Variants in ANK2 observed in about 807,000 individuals in gnomAD.
ANK2 encodes the protein ankyrin 2.
In ANK2, 83 loss-of-function variants were observed where a neutral mutation model predicts 360.5. The ratio of observed to expected loss-of-function variants is 0.23; its 90% CI spans 0.19 to 0.28. The LOEUF is 0.28. ANK2 is among the 10% of genes least tolerant of loss of function. The probability of loss-of-function intolerance (pLI) is 1.00; values close to 1 mark genes in which losing one functional copy is unlikely to be tolerated. For missense variants in ANK2, 4,201 were observed against 4,795.7 expected (o/e 0.88, Z 3.66); for synonymous variants, 1,740 against 1,759.5 (o/e 0.99, Z 0.28).
At chr4:113,234,739 T>C (rs550287006) in intron 5 of ANK2, among the ~76,000 whole-genome samples, 7 of 152,354 alleles carry the variant, frequency 4.6e-5, no homozygotes, top group Admixed American at 3.3e-4. Flanking sequence ...TAAAGTTCAA[T>C]AATTGTGAGA....
chr4:113,280,237 A>G (rs1041176947), intron 17 of ANK2, among the ~76,000 whole-genome samples: 3 of 152,216 alleles, frequency 2.0e-5, no homozygotes, highest in African/African-American at 7.2e-5. Flanking sequence ...TCTTTCCACA[A>G]GGGACTCTCA....
the ANK2 span, among the ~76,000 whole-genome samples, chr4:112,711,011 A>G: frequency 6.6e-6 from 1 of 150,498 alleles, no homozygotes; most frequent in African/African-American, 2.4e-5. Flanking sequence ...GCTGGTCTCA[A>G]ACTCCTCAGC....
intron 2 of ANK2, among the ~76,000 whole-genome samples, chr4:113,032,552 A>G (rs2060640870): frequency 6.6e-6 from 1 of 152,048 alleles, no homozygotes; most frequent in Admixed American, 6.6e-5. Context: ...ACAGAGTCTC[A>G]GGAATGATTA....
chr4:113,314,358 GTAA>G (rs1232692698), intron 24 of ANK2, among the ~76,000 whole-genome samples: 1 of 152,132 alleles, frequency 6.6e-6, no homozygotes, highest in Non-Finnish European at 1.5e-5. Flanking sequence ...TACCAAGATA[GTAA>G]TTATTATACT....
chr4:112,795,702 C>CTCTCT, the ANK2 span, among the ~76,000 whole-genome samples: 12 of 152,108 alleles, frequency 7.9e-5, no homozygotes, highest in Non-Finnish European at 1.3e-4. Flanking sequence ...TGGGGTTTCA[C>CTCTCT]AATGTTGGCC....
intron 22 of ANK2, among the ~76,000 whole-genome samples, chr4:113,294,000 C>T (rs1362948449): frequency 6.6e-6 from 1 of 152,210 alleles, no homozygotes; most frequent in Non-Finnish European, 1.5e-5. Flanking sequence ...GCAATTCATC[C>T]TTACTTTGCA....
At chr4:113,134,153 C>G (rs2096248809) in intron 1 of ANK2, among the ~76,000 whole-genome samples, 2 of 151,902 alleles carry the variant, frequency 1.3e-5, no homozygotes, top group South Asian at 4.2e-4. Context: ...ATGTCATCAA[C>G]AGGAATCTCT....
the ANK2 span, among the ~76,000 whole-genome samples, chr4:112,731,265 C>T: frequency 7.3e-6 from 1 of 136,188 alleles, no homozygotes; most frequent in Non-Finnish European, 1.5e-5. Context: ...CACTGTCTTC[C>T]AGCCTGGGCA....
chr4:113,195,411 T>G (rs1320408024), intron 2 of ANK2, among the ~76,000 whole-genome samples: 1 of 152,164 alleles, frequency 6.6e-6, no homozygotes, highest in African/African-American at 2.4e-5. Context: ...ATCTACATAA[T>G]GTAAATAATT....
intron 45 of ANK2, among the ~76,000 whole-genome samples, chr4:113,381,053 G>GT (rs1189443762): frequency 1.3e-5 from 2 of 152,118 alleles, no homozygotes; most frequent in African/African-American, 2.4e-5. Flanking sequence ...TTAAAAAAAG[G>GT]TTTTTTTAGC....
chr4:113,194,544 C>G (rs898528718), intron 2 of ANK2, among the ~76,000 whole-genome samples: 4 of 152,030 alleles, frequency 2.6e-5, no homozygotes, highest in African/African-American at 9.7e-5. Context: ...AAGTGCTGAA[C>G]AAAAAAGATA....
At chr4:112,736,305 T>C in the ANK2 span, among the ~76,000 whole-genome samples, 1 of 151,676 alleles carries the variant, frequency 6.6e-6, no homozygotes, top group African/African-American at 2.4e-5. Flanking sequence ...TCTACTAATA[T>C]ACAAAAAATT....
chr4:112,786,679 C>A, the ANK2 span, among the ~76,000 whole-genome samples: 10 of 151,656 alleles, frequency 6.6e-5, no homozygotes, highest in African/African-American at 2.4e-4. Flanking sequence ...TGTGAGCCAC[C>A]ATGCCCAGAC....
At chr4:113,145,958 C>T in intron 1 of ANK2, 2 of 1,289,798 alleles carry the variant, frequency 1.6e-6, no homozygotes, top group Non-Finnish European at 2.0e-6. Flanking sequence ...AAACCCCAGA[C>T]TACTATGGCT....
chr4:113,143,925 A>G (rs1350375804), intron 1 of ANK2, among the ~76,000 whole-genome samples: 10 of 152,240 alleles, frequency 6.6e-5, no homozygotes, highest in Non-Finnish European at 1.2e-4. Flanking sequence ...TTCAGGAAAC[A>G]TGAAAGGCTT....
chr4:112,724,339 A>G, the ANK2 span, among the ~76,000 whole-genome samples: 2 of 152,172 alleles, frequency 1.3e-5, no homozygotes, highest in Non-Finnish European at 2.9e-5. Context: ...TGCTGGGATT[A>G]AAGGCGTGAG....
intron 14 of ANK2, among the ~76,000 whole-genome samples, chr4:113,273,524 C>T (rs902780980): frequency 2.6e-5 from 4 of 152,182 alleles, no homozygotes. Context: ...CTTTCTTCCT[C>T]TATATACTTT....
intron 41 of ANK2, among the ~76,000 whole-genome samples, chr4:113,365,582 C>T (rs180946315): frequency 2.0e-4 from 31 of 152,162 alleles, no homozygotes; most frequent in Admixed American, 6.6e-4. Context: ...TTCATACCCT[C>T]GGGGACCTCC....
intron 3 of ANK2, among the ~76,000 whole-genome samples, chr4:113,198,449 T>C (rs2098782011): frequency 6.6e-6 from 1 of 152,162 alleles, no homozygotes; most frequent in Non-Finnish European, 1.5e-5. Flanking sequence ...GTTAGTGTTG[T>C]GGCTGGTAAA....
Sources: allele counts gnomAD v4.1 joint callset (sites outside exome capture counted in the v4.1 genomes callset), GRCh38; gene constraint gnomAD v4.1.1; transcripts MANE v1.5; gene names NCBI Gene and HGNC (gene_info 2026-07-23, HGNC 2026-07-21).